TJP1: variants seen among roughly 807,000 people sequenced by gnomAD.
TJP1 encodes the protein tight junction protein 1.
Under a neutral mutation model 194.2 loss-of-function variants are expected in TJP1, and 43 were observed. The ratio of observed to expected loss-of-function variants is 0.22; its 90% CI spans 0.17 to 0.29. The LOEUF (loss-of-function observed/expected upper bound fraction) is 0.29, where lower values mean the gene tolerates loss of function less well. Among genes scored for constraint, TJP1 ranks in the 10% least tolerant of loss-of-function variants. The pLI is 1.00. For synonymous variants in TJP1, 801 were observed against 779.0 expected (o/e 1.03, Z -0.47); for missense variants, 1,971 against 2,185.7 (o/e 0.90, Z 1.96).
At chr15:29,770,805 G>C (rs992607991) in intron 4 of TJP1, among the ~76,000 whole-genome samples, 1 of 151,936 alleles carries the variant, frequency 6.6e-6, no homozygotes, top group Admixed American at 6.5e-5. Flanking sequence ...AAAAGTTTCA[G>C]TAAGCTAAGG....
intron 15 of TJP1, chr15:29,730,840 A>C: frequency 9.6e-7 from 1 of 1,045,522 alleles, no homozygotes; most frequent in East Asian, 2.4e-5. Context: ...AAGCCTAAAA[A>C]GGCCCCTGCA....
intron 2 of TJP1, among the ~76,000 whole-genome samples, chr15:29,902,860 C>A (rs926973850): frequency 1.3e-5 from 2 of 152,170 alleles, no homozygotes; most frequent in Non-Finnish European, 2.9e-5. Context: ...ACGGTGAAAC[C>A]CTGTCTCTAC....
At chr15:29,797,961 C>T (rs1386347912) in intron 2 of TJP1, among the ~76,000 whole-genome samples, 1 of 152,100 alleles carries the variant, frequency 6.6e-6, no homozygotes, top group African/African-American at 2.4e-5. Flanking sequence ...AAACTAAAAC[C>T]ACGTGTGATA....
At chr15:29,742,090 C>T (rs2044458732) in intron 9 of TJP1, among the ~76,000 whole-genome samples, 2 of 151,926 alleles carry the variant, frequency 1.3e-5, no homozygotes, top group South Asian at 4.2e-4. Context: ...AGAAAACCCA[C>T]AAAAAAACCC....
rs188207201 is a variant in TJP1, at chr15:29,782,235, G to C, written c.85-8878C>G. Reference sequence around the variant, plus strand: ...ATGGAACCAAAAAAGAGCTCAAAAAGCCAAGACAATCCTAAGCAAAAAGAA... The same window carrying C: ...ATGGAACCAAAAAAGAGCTCAAAAACCCAAGACAATCCTAAGCAAAAAGAA... On this transcript the variant is annotated intron_variant, in intron 2 of 27. Transcript: ENST00000614355. 3.3e-5 allele frequency among the ~76,000 whole-genome samples: 5 copies of C among 152,150 alleles called. No homozygotes were observed. The East Asian group carries it at 7.7e-4, about 24-fold the overall frequency.
At chr15:29,760,376 GTGTTT>G (rs1228223066) in intron 8 of TJP1, 4 of 635,562 alleles carry the variant, frequency 6.3e-6, no homozygotes, top group East Asian at 2.8e-5. Flanking sequence ...ATAAATACTA[GTGTTT>G]TGTTTTGTTT....
chr15:29,709,619 A>G (rs1036670661), intron 24 of TJP1, among the ~76,000 whole-genome samples: 1 of 152,234 alleles, frequency 6.6e-6, no homozygotes, highest in South Asian at 2.1e-4. Flanking sequence ...AAGAAAAATC[A>G]TATGGTCATC....
chr15:29,814,815 G>A (rs1339871554), intron 1 of TJP1, among the ~76,000 whole-genome samples: 1 of 152,114 alleles, frequency 6.6e-6, no homozygotes, highest in African/African-American at 2.4e-5. Context: ...AGTATTTTCA[G>A]TATATCAACT....
At chr15:29,741,215 T>C (rs2044390877) in intron 10 of TJP1, 116 bp downstream of exon 10, 2 of 703,524 alleles carry the variant, frequency 2.8e-6, no homozygotes, top group Admixed American at 3.3e-5. Flanking sequence ...AATCATAGTA[T>C]TAGGTGGTAT....
At chr15:29,781,018 C>T (rs375081881) in intron 2 of TJP1, among the ~76,000 whole-genome samples, 19 of 151,690 alleles carry the variant, frequency 1.3e-4, no homozygotes, top group Admixed American at 5.3e-4. Flanking sequence ...GAGCCAGGCA[C>T]GAAACACCAT....
At chr15:29,806,595 TC>T (rs1439045240) in intron 1 of TJP1, among the ~76,000 whole-genome samples, 4 of 152,182 alleles carry the variant, frequency 2.6e-5, no homozygotes, top group African/African-American at 9.6e-5. Context: ...CCAAAGTGTT[TC>T]TGTTTTGGTC....
chr15:29,812,429 C>CTGGGAGATCTGGCCTGTCTTCTTGG (rs1260649011), intron 1 of TJP1, among the ~76,000 whole-genome samples: 1 of 152,176 alleles, frequency 6.6e-6, no homozygotes, highest in African/African-American at 2.4e-5. Context: ...TCTTGAAAAA[C>CTGGGAGATCTGGCCTGTCTTCTTGG]TGGGAGATCT....
At chr15:29,745,780 C>A (rs1273592252) in intron 8 of TJP1, among the ~76,000 whole-genome samples, 2 of 152,170 alleles carry the variant, frequency 1.3e-5, no homozygotes, top group Admixed American at 6.5e-5. Flanking sequence ...CGGAAAGTTT[C>A]TTATCAAAAG....
rs554885744 is a variant in TJP1 at position 29,846,264 on chromosome 15, A to G, written c.307-45562T>C. Among the ~76,000 whole-genome samples, 17 of 152,192 alleles carry G rather than the reference A, an allele frequency of 1.1e-4. No homozygotes were observed. The South Asian group carries it at 3.3e-3, about 30-fold the overall frequency. ...CAGACCTTCCTCCCAGGCTTGTCCA[A>G]TGTCTTTCCATTCACTGCGATAGCC... is the stretch of plus-strand genomic sequence containing the variant. On this transcript the variant is annotated intron_variant, in intron 2 of 28. Transcript: ENST00000356107.
chr15:29,929,250 A>G (rs2054623580), intron 2 of TJP1, among the ~76,000 whole-genome samples: 1 of 152,248 alleles, frequency 6.6e-6, no homozygotes, highest in Non-Finnish European at 1.5e-5. Context: ...AGATGAAACC[A>G]TAAAGGATAT....
chr15:29,887,705 A>G (rs1437725407), intron 2 of TJP1, among the ~76,000 whole-genome samples: 1 of 152,244 alleles, frequency 6.6e-6, no homozygotes, highest in African/African-American at 2.4e-5. Context: ...TATCATCTAC[A>G]AATCTTAAAC....
At chr15:29,850,507 T>TTC (rs981183327) in intron 2 of TJP1, among the ~76,000 whole-genome samples, 3 of 151,954 alleles carry the variant, frequency 2.0e-5, no homozygotes, top group African/African-American at 7.2e-5. Flanking sequence ...CAGCTAATTT[T>TTC]TGTATTTTTA....
chr15:29,850,860 G>A (rs2051616660), intron 2 of TJP1, among the ~76,000 whole-genome samples: 1 of 151,944 alleles, frequency 6.6e-6, no homozygotes, highest in Non-Finnish European at 1.5e-5. Flanking sequence ...AATATAGGCT[G>A]GGCACAGTGG....
chr15:29,783,318 A>G (rs2047490594), intron 2 of TJP1, among the ~76,000 whole-genome samples: 2 of 152,124 alleles, frequency 1.3e-5, no homozygotes, highest in African/African-American at 4.8e-5. Flanking sequence ...CACACCTGTC[A>G]GAATGGCTAA....
Sources: gnomAD v4.1 joint callset for allele counts (sites outside exome capture counted in the v4.1 genomes callset) on GRCh38, gnomAD v4.1.1 for gene constraint, MANE v1.5 for transcripts, NCBI Gene and HGNC (gene_info 2026-07-23, HGNC 2026-07-21) for gene names.